CDC42BPB: variants seen among roughly 807,000 people sequenced by gnomAD.
CDC42BPB encodes CDC42 binding protein kinase beta.
CDC42BPB carries 37 observed loss-of-function variants against 214.9 expected under a neutral mutation model. That is an observed-to-expected ratio of 0.17 (90% CI 0.13 to 0.23). CDC42BPB has a LOEUF of 0.23. Ranked by LOEUF, CDC42BPB falls within the 10% of genes least tolerant of loss-of-function variation. The pLI is 1.00. For missense variants in CDC42BPB, 1,694 were observed against 2,227.0 expected (o/e 0.76, Z 4.82); for synonymous variants, 931 against 884.0 (o/e 1.05, Z -0.94).
intron 1 of CDC42BPB, among the ~76,000 whole-genome samples, chr14:103,014,858 A>T (rs557578604): frequency 2.6e-5 from 4 of 152,286 alleles, no homozygotes; most frequent in African/African-American, 9.6e-5. Flanking sequence ...CTCTATCTGA[A>T]AAACAAAACA....
intron 1 of CDC42BPB, among the ~76,000 whole-genome samples, chr14:103,018,166 T>C (rs1230349921): frequency 6.6e-6 from 1 of 152,188 alleles, no homozygotes; most frequent in Non-Finnish European, 1.5e-5. Flanking sequence ...AATGCCACGC[T>C]GATCTGACCG....
intron 1 of CDC42BPB, among the ~76,000 whole-genome samples, chr14:103,015,938 G>C (rs1016742429): frequency 4.6e-5 from 7 of 151,418 alleles, no homozygotes; most frequent in Admixed American, 4.6e-4. Context: ...GGATGGTCTC[G>C]ATCTCCTGAC....
intron 30 of CDC42BPB, among the ~76,000 whole-genome samples, chr14:102,942,202 C>T (rs547193796): frequency 9.2e-5 from 14 of 151,466 alleles, no homozygotes; most frequent in Admixed American, 2.6e-4. Flanking sequence ...TGCACCTCAC[C>T]GCAGGCCCAC....
rs34105677 is a variant in CDC42BPB, at chr14:102,944,639, G to A, written c.3812-152C>T. On this transcript the variant is annotated intron_variant, in intron 29 of 36. Coordinates refer to ENST00000361246, the MANE Select transcript of CDC42BPB (RefSeq NM_006035.4). This position sits in a 1 kb window ranked among gnomAD's most constrained non-coding sequence, Gnocchi z 6.6. ...ACAGCCTGAGCCCGGCCCTGAGCCC[G>A]TCTCTGCCCACAGAGCCAGTGGCTT... 0.21 allele frequency: 297,130 copies of A among 1,441,908 alleles called. 32,999 individuals carry two copies. Among genetic ancestry groups the A allele is most frequent in the Middle Eastern group, 0.24 (943 of 3,856 alleles). The allele number at this position is 1,441,908 out of a possible 1,614,324, so 89.3% of individuals were successfully genotyped here.
chr14:103,047,059 G>A (rs900632628), intron 1 of CDC42BPB, among the ~76,000 whole-genome samples: 2 of 151,668 alleles, frequency 1.3e-5, no homozygotes, highest in Non-Finnish European at 2.9e-5. Context: ...GCCAAGGCGG[G>A]TGGATCACGA....
chr14:103,043,134 T>C (rs1034137381), intron 1 of CDC42BPB, among the ~76,000 whole-genome samples: 1 of 152,082 alleles, frequency 6.6e-6, no homozygotes, highest in Non-Finnish European at 1.5e-5. Flanking sequence ...ATCCCAGCTA[T>C]TTGGGAGGCT....
At chr14:103,056,606 T>G (rs1888969503) in intron 1 of CDC42BPB, among the ~76,000 whole-genome samples, 2 of 105,850 alleles carry the variant, frequency 1.9e-5, no homozygotes. Context: ...TCCCAGTGAG[T>G]GCTGCAGGAA....
intron 1 of CDC42BPB, among the ~76,000 whole-genome samples, chr14:103,034,647 C>T (rs1387104054): frequency 6.6e-6 from 1 of 152,016 alleles, no homozygotes; most frequent in African/African-American, 2.4e-5. Context: ...GGGGAAACCC[C>T]ATCTCTACTG....
intron 1 of CDC42BPB, among the ~76,000 whole-genome samples, chr14:103,050,152 T>A (rs1888522417): frequency 6.6e-6 from 1 of 152,214 alleles, no homozygotes; most frequent in African/African-American, 2.4e-5. Context: ...GGCAGAGTGA[T>A]GAAGAGAGTT....
rs774559210 is a variant in CDC42BPB, at chr14:102,999,550, T to C, written c.596+15A>G. The C allele has an allele frequency of 1.2e-6, 2 of 1,612,872 alleles. No individual in the cohort carries two copies. Among genetic ancestry groups the C allele is most frequent in the Non-Finnish European group, 1.7e-6 (2 of 1,179,142 alleles). Reference sequence around the variant, plus strand: ...TTAAACGTGGTTTCCATAAAATATATCAGAAGCCGGTTACCTGTGCACGTA... The same window carrying C: ...TTAAACGTGGTTTCCATAAAATATACCAGAAGCCGGTTACCTGTGCACGTA... On this transcript the variant is annotated intron_variant, in intron 5 of 36. Transcript: ENST00000361246.
chr14:102,943,901 A>G lies in CDC42BPB; in HGVS notation c.4398T>C (p.Pro1466=). Reference sequence around the variant, plus strand: ...AAAACATATACATACTACAGGCGACAGGAGCCGCAGGCCACATGAGCTCCT... The same window carrying G: ...AAAACATATACATACTACAGGCGACGGGAGCCGCAGGCCACATGAGCTCCT... The part of the protein sequence containing the change: ...RAQELMWPAA[P]VACSCSPTHV... Residue 1466 remains proline (P), a synonymous_variant, in exon 30 of 37, where the codon CCT becomes CCC. Coordinates refer to ENST00000361246, the MANE Select transcript of CDC42BPB (RefSeq NM_006035.4). The surrounding 1 kb of genome is among the most constrained non-coding windows in gnomAD (Gnocchi z 4.6). The G allele has an allele frequency of 6.2e-7, 1 of 1,607,670 alleles. No individual in the cohort carries two copies. The highest frequency in any genetic ancestry group is 8.5e-7 in the Non-Finnish European group (1 of 1,177,346).
At chr14:102,946,811 A>C (rs1595453766) in intron 27 of CDC42BPB, 127 bp from the exon 28 acceptor site, 1 of 1,460,272 alleles carries the variant, frequency 6.8e-7, no homozygotes, top group Non-Finnish European at 9.0e-7. Context: ...CCAGGCAGGG[A>C]CCCCTGACTC....
At chr14:103,056,767 G>A (rs1234773667) in intron 1 of CDC42BPB, among the ~76,000 whole-genome samples, 1 of 152,144 alleles carries the variant, frequency 6.6e-6, no homozygotes, top group East Asian at 1.9e-4. Context: ...GCCTAGGGAG[G>A]GCAAGGAGGG....
chr14:102,945,079 G>A (rs1168120886), intron 29 of CDC42BPB: 7 of 350,606 alleles, frequency 2.0e-5, no homozygotes, highest in South Asian at 4.2e-5. Flanking sequence ...AGAGCTGCCA[G>A]GGTACGGCCT....
chr14:102,961,086 G>A (rs1298563282), intron 20 of CDC42BPB, among the ~76,000 whole-genome samples: 1 of 152,086 alleles, frequency 6.6e-6, no homozygotes, highest in Non-Finnish European at 1.5e-5. Context: ...AGGATCACTT[G>A]AGCCCAGAAA....
Position 102,954,231 on chromosome 14 carries a change from G to A in CDC42BPB, c.3033C>T (p.Pro1011=), listed in dbSNP as rs1314089112. 1 of 1,547,142 alleles carries A rather than the reference G, an allele frequency of 6.5e-7. No homozygotes were observed. Among genetic ancestry groups the A allele is most frequent in the South Asian group, 1.2e-5 (1 of 83,226 alleles). The part of the protein sequence containing the change: ...PPQRPSAVPL[P]TTQALALAGP... ...CAGCCAGAGCCAGGGCCTGCGTGGTGGGCAACGGCACAGCGGATGGCCTCT... is the reference window on the plus strand; with the variant it reads ...CAGCCAGAGCCAGGGCCTGCGTGGTAGGCAACGGCACAGCGGATGGCCTCT... Residue 1011 remains proline (P), a synonymous_variant, in exon 23 of 37, where the codon CCC becomes CCT. Coordinates refer to ENST00000361246, the MANE Select transcript of CDC42BPB (RefSeq NM_006035.4).
chr14:103,030,565 G>A (rs1342167281), intron 1 of CDC42BPB, among the ~76,000 whole-genome samples: 3 of 152,048 alleles, frequency 2.0e-5, no homozygotes, highest in Admixed American at 6.6e-5. Context: ...GTGTGGTGGT[G>A]CACGCCTGTA....
At chr14:103,040,964 A>C (rs1284126922) in intron 1 of CDC42BPB, among the ~76,000 whole-genome samples, 1 of 152,228 alleles carries the variant, frequency 6.6e-6, no homozygotes, top group Non-Finnish European at 1.5e-5. Context: ...CTTAGAAAGA[A>C]TTGTCAAAAC....
In CDC42BPB at chr14:103,001,562, C is replaced by T. The variant is rs762520138; in HGVS notation, c.448-1849G>A. Among the ~76,000 whole-genome samples the T allele has an allele frequency of 6.6e-6, 1 of 152,222 alleles. No homozygotes were observed. Among genetic ancestry groups the T allele is most frequent in the Non-Finnish European group, 1.5e-5 (1 of 68,038 alleles). ...GGAGGGCCGGCCACAGTGGGGGCTGCAGCCCCACACTCAGAGCAGTGAGTG... is the reference window on the plus strand; with the variant it reads ...GGAGGGCCGGCCACAGTGGGGGCTGTAGCCCCACACTCAGAGCAGTGAGTG... On this transcript the variant is annotated intron_variant, in intron 4 of 36. Coordinates refer to ENST00000361246, the MANE Select transcript of CDC42BPB (RefSeq NM_006035.4). This position sits in a 1 kb window ranked among gnomAD's most constrained non-coding sequence, Gnocchi z 5.8.
Sources: allele counts gnomAD v4.1 joint callset (sites outside exome capture counted in the v4.1 genomes callset), GRCh38; gene constraint gnomAD v4.1.1; non-coding constraint Gnocchi (gnomAD v3.1); transcripts MANE v1.5; gene names NCBI Gene and HGNC (gene_info 2026-07-23, HGNC 2026-07-21).